The following DNAJC5B variants were observed in gnomAD, a reference collection of about 807,000 sequenced individuals.
DNAJC5B encodes the protein DnaJ heat shock protein family (Hsp40) member C5 beta, also known as dnaJ homolog subfamily C member 5B.
Under a neutral mutation model 24.7 loss-of-function variants are expected in DNAJC5B, and 23 were observed. That is an observed-to-expected ratio of 0.93 (90% confidence interval 0.67 to 1.32). The LOEUF (loss-of-function observed/expected upper bound fraction) is 1.32. Among genes scored for constraint, DNAJC5B ranks in the 40% most tolerant of loss-of-function variants. The pLI, the probability that DNAJC5B is intolerant of heterozygous loss-of-function variation, is 0.00. For synonymous variants in DNAJC5B, 101 were observed against 90.1 expected (o/e 1.12, Z -0.68); for missense variants, 238 against 240.8 (o/e 0.99, Z 0.08).
At chr8:66,022,271 C>G (rs1806147209) in intron 1 of DNAJC5B, among the ~76,000 whole-genome samples, 2 of 152,184 alleles carry the variant, frequency 1.3e-5, no homozygotes, top group African/African-American at 4.8e-5. Context: ...TTTACCTTGC[C>G]TTGGGGTTTT....
chr8:66,096,543 G>A (rs1807957484), intron 5 of DNAJC5B, among the ~76,000 whole-genome samples: 1 of 152,064 alleles, frequency 6.6e-6, no homozygotes, highest in Non-Finnish European at 1.5e-5. Context: ...TTTTGATTTT[G>A]AGGTTATGTT....
chr8:66,051,606 T>A lies in DNAJC5B; in HGVS notation c.59T>A (p.Leu20Gln), dbSNP rs770909172. 1.2e-6 allele frequency: 2 copies of A among 1,614,128 alleles called. No homozygotes were observed. The highest frequency in any genetic ancestry group is 1.7e-6 in the Non-Finnish European group (2 of 1,179,996). Residue 20 changes from leucine (L) to glutamine (Q), a missense_variant, in exon 3 of 6, where the codon CTA becomes CAA. Transcript: ENST00000276570. Reference protein sequence around the residue: ...QRTLSTTGEALYEILGLHKGA... With the variant: ...QRTLSTTGEAQYEILGLHKGA... ...ACTCTGTCAACAACAGGAGAAGCTC[T>A]ATACGAAATTCTTGGTCTGCATAAG...
chr8:66,060,613 T>G (rs1807060539), intron 3 of DNAJC5B, among the ~76,000 whole-genome samples: 1 of 152,242 alleles, frequency 6.6e-6, no homozygotes, highest in Non-Finnish European at 1.5e-5. Flanking sequence ...CAGCAAGAAC[T>G]GTGGGTGTGT....
At chr8:66,067,715 G>C (rs1807251466) in intron 3 of DNAJC5B, among the ~76,000 whole-genome samples, 1 of 152,172 alleles carries the variant, frequency 6.6e-6, no homozygotes. Context: ...GAGTTCCCCA[G>C]ACAGCAGCCC....
intron 5 of DNAJC5B, among the ~76,000 whole-genome samples, chr8:66,083,606 T>G (rs760550740): frequency 6.6e-6 from 1 of 152,204 alleles, no homozygotes; most frequent in Non-Finnish European, 1.5e-5. Flanking sequence ...TAGAGCCCAA[T>G]GGACACATTC....
chr8:66,019,970 A>G (rs1806067726), upstream of DNAJC5B, among the ~76,000 whole-genome samples: 1 of 152,228 alleles, frequency 6.6e-6, no homozygotes, highest in Non-Finnish European at 1.5e-5. Context: ...GATTTTATGA[A>G]GACATTTAGG....
At chr8:66,048,616 C>T (rs1055521330) in intron 2 of DNAJC5B, among the ~76,000 whole-genome samples, 5 of 152,122 alleles carry the variant, frequency 3.3e-5, no homozygotes, top group Admixed American at 2.6e-4. Context: ...ATCAAAATTT[C>T]CTCCCTCGTC....
intron 2 of DNAJC5B, among the ~76,000 whole-genome samples, chr8:66,049,631 T>C (rs1317649445): frequency 2.0e-5 from 3 of 152,230 alleles, no homozygotes; most frequent in Non-Finnish European, 4.4e-5. Context: ...TAAAGATGCA[T>C]TTCTCGGAAC....
chr8:66,043,366 A>G (rs529172224), intron 1 of DNAJC5B, 122 bp from the exon 2 acceptor site: 7 of 152,346 alleles, frequency 4.6e-5, no homozygotes, highest in Admixed American at 4.6e-4. Context: ...TGGTTGAACC[A>G]AGCACCAGTC....
At chr8:66,042,529 T>G (rs986010465) in intron 1 of DNAJC5B, among the ~76,000 whole-genome samples, 1 of 152,232 alleles carries the variant, frequency 6.6e-6, no homozygotes, top group Non-Finnish European at 1.5e-5. Flanking sequence ...GACACTGTCC[T>G]TAAGCTGAAG....
intron 3 of DNAJC5B, among the ~76,000 whole-genome samples, chr8:66,065,282 G>A (rs1807166661): frequency 6.6e-6 from 1 of 152,252 alleles, no homozygotes. Context: ...TGGTTGGGGT[G>A]AGTTGCTCAG....
intron 1 of DNAJC5B, among the ~76,000 whole-genome samples, chr8:66,028,017 G>A (rs189364153): frequency 6.6e-6 from 1 of 152,292 alleles, no homozygotes; most frequent in East Asian, 1.9e-4. Context: ...AAAGCAAAGA[G>A]GAAACTACAA....
At chr8:66,022,807 T>C (rs1806167810) in intron 1 of DNAJC5B, among the ~76,000 whole-genome samples, 1 of 152,222 alleles carries the variant, frequency 6.6e-6, no homozygotes, top group African/African-American at 2.4e-5. Context: ...TCAACTTCTG[T>C]ACAGAAGTCA....
At chr8:66,070,879 G>A (rs1356072766) in intron 3 of DNAJC5B, among the ~76,000 whole-genome samples, 1 of 152,102 alleles carries the variant, frequency 6.6e-6, no homozygotes, top group African/African-American at 2.4e-5. Context: ...ACAGAACAGA[G>A]GCCTCAGAAA....
In DNAJC5B at chr8:66,037,510, G is replaced by T. The variant is rs149624325; in HGVS notation, c.-141-5978G>T. Among the ~76,000 whole-genome samples the T allele has an allele frequency of 5.8e-3, 881 of 152,248 alleles. 4 individuals carry two copies. The highest frequency in any genetic ancestry group is 9.3e-3 in the Non-Finnish European group (635 of 68,018). ...TACCAGCACCATCTCCTGTCTAATC[G>T]TGAGTGTCTGGGCCCCAAGAGGGTG... On this transcript the variant is annotated intron_variant, in intron 1 of 5. Coordinates refer to ENST00000276570, the MANE Select transcript of DNAJC5B (RefSeq NM_033105.6).
chr8:66,082,044 C>A (rs540974927), intron 5 of DNAJC5B, among the ~76,000 whole-genome samples: 1 of 152,220 alleles, frequency 6.6e-6, no homozygotes, highest in South Asian at 2.1e-4. Flanking sequence ...ATTGACACAA[C>A]TTGCCTGAGA....
At chr8:66,055,396 C>T (rs1382534662) in intron 3 of DNAJC5B, among the ~76,000 whole-genome samples, 1 of 152,194 alleles carries the variant, frequency 6.6e-6, no homozygotes, top group African/African-American at 2.4e-5. Flanking sequence ...AAATTACCAG[C>T]TGTTGAATCT....
intron 3 of DNAJC5B, among the ~76,000 whole-genome samples, chr8:66,075,695 G>C (rs1238544417): frequency 6.6e-6 from 1 of 152,110 alleles, no homozygotes; most frequent in Non-Finnish European, 1.5e-5. Flanking sequence ...TATACATCAT[G>C]ATTTATGCTT....
chr8:66,080,397 C>T lies in DNAJC5B; in HGVS notation c.354C>T (p.Gly118=). The change falls in exon 5 of 6, where the codon GGC becomes GGT. Residue 118 remains glycine (G), a synonymous_variant. Coordinates refer to ENST00000276570, the MANE Select transcript of DNAJC5B (RefSeq NM_033105.6). ...WWAKALFVIV[G]LLTGCYFCCC... is the part of the protein sequence containing the mutation. ...CCTAGGCCCTGTTTGTCATCGTTGGCCTCTTGACGGGCTGCTACTTTTGCT... is the reference window on the plus strand; with the variant it reads ...CCTAGGCCCTGTTTGTCATCGTTGGTCTCTTGACGGGCTGCTACTTTTGCT... The T allele has an allele frequency of 6.2e-7, 1 of 1,613,360 alleles. No homozygotes were observed. Among genetic ancestry groups the T allele is most frequent in the East Asian group, 2.2e-5 (1 of 44,870 alleles).
Sources: gnomAD v4.1 joint callset for allele counts (sites outside exome capture counted in the v4.1 genomes callset) on GRCh38, gnomAD v4.1.1 for gene constraint, MANE v1.5 for transcripts, NCBI Gene and HGNC (gene_info 2026-07-23, HGNC 2026-07-21) for gene names.